The following KANSL1 variants were observed in gnomAD, a reference collection of about 807,000 sequenced individuals.
KANSL1 encodes the protein MLL1/MLL complex subunit KANSL1.
In KANSL1, 22 loss-of-function variants were observed where a neutral mutation model predicts 103.6. The observed-to-expected ratio is 0.21, with a 90% CI of 0.15 to 0.30. The LOEUF (loss-of-function observed/expected upper bound fraction) is 0.30, where lower values mean the gene tolerates loss of function less well. Among genes scored for constraint, KANSL1 ranks in the 10% least tolerant of loss-of-function variants. The pLI is 1.00. For missense variants in KANSL1, 1,337 were observed against 1,399.8 expected (o/e 0.96, Z 0.72); for synonymous variants, 600 against 527.6 (o/e 1.14, Z -1.88).
intron 6 of KANSL1, among the ~76,000 whole-genome samples, chr17:46,051,855 G>A (rs1422049402): frequency 6.6e-6 from 1 of 152,152 alleles, no homozygotes; most frequent in African/African-American, 2.4e-5. Flanking sequence ...GAACAATGTG[G>A]TCTTTATCAA....
intron 2 of KANSL1, among the ~76,000 whole-genome samples, chr17:46,125,162 T>TAC (rs546901363): frequency 2.0e-5 from 3 of 150,654 alleles, no homozygotes; most frequent in Non-Finnish European, 3.0e-5. Flanking sequence ...CAGCAGCCAC[T>TAC]ACCCTGGCTA....
intron 2 of KANSL1, among the ~76,000 whole-genome samples, chr17:46,106,653 A>G (rs2042581108): frequency 6.6e-6 from 1 of 152,210 alleles, no homozygotes; most frequent in African/African-American, 2.4e-5. Flanking sequence ...TCGGTCTCCC[A>G]AAGTGCTGGG....
At chr17:46,190,341 G>A (rs1384032712) in intron 1 of KANSL1, among the ~76,000 whole-genome samples, 1 of 152,230 alleles carries the variant, frequency 6.6e-6, no homozygotes, top group Non-Finnish European at 1.5e-5. Context: ...TGCTCTGCAG[G>A]TTTAACCAGA....
At chr17:46,058,536 G>C (rs2078010951) in intron 6 of KANSL1, among the ~76,000 whole-genome samples, 1 of 152,186 alleles carries the variant, frequency 6.6e-6, no homozygotes, top group African/African-American at 2.4e-5. Context: ...ATAAAACATT[G>C]TTAGATATGC....
At chr17:46,178,299 T>G (rs1567773067) in intron 1 of KANSL1, among the ~76,000 whole-genome samples, 1 of 152,168 alleles carries the variant, frequency 6.6e-6, no homozygotes, top group East Asian at 1.9e-4. Flanking sequence ...ATCTGATAAA[T>G]CATCTTTCTC....
At chr17:46,084,303 A>G (rs1462119783) in intron 3 of KANSL1, among the ~76,000 whole-genome samples, 1 of 151,912 alleles carries the variant, frequency 6.6e-6, no homozygotes, top group Non-Finnish European at 1.5e-5. Flanking sequence ...AATCGCTTGA[A>G]CTCAGGAGGC....
intron 2 of KANSL1, among the ~76,000 whole-genome samples, chr17:46,098,187 C>A (rs1464861614): frequency 6.7e-6 from 1 of 150,090 alleles, no homozygotes; most frequent in Non-Finnish European, 1.5e-5. Context: ...CACAAAGAGA[C>A]AAAACTAGTT....
rs542373662 is a variant in KANSL1 at position 46,110,342 on chromosome 17, C to T, written c.1290-15641G>A. Among the ~76,000 whole-genome samples the T allele has an allele frequency of 3.3e-5, 5 of 152,278 alleles. No homozygotes were observed. The East Asian group carries it at 7.7e-4, about 23-fold the overall frequency. On this transcript the variant is annotated intron_variant, in intron 2 of 14. Transcript: ENST00000432791. Reference sequence around the variant, plus strand: ...GGAATCACAAATGAAGTGCTTACTCCATGCAAAACACTGGTCTGGCACATT... The same window carrying T: ...GGAATCACAAATGAAGTGCTTACTCTATGCAAAACACTGGTCTGGCACATT...
intron 6 of KANSL1, among the ~76,000 whole-genome samples, chr17:46,060,410 A>T (rs1348195671): frequency 6.6e-6 from 1 of 152,180 alleles, no homozygotes; most frequent in Non-Finnish European, 1.5e-5. Flanking sequence ...ATTTTATCTC[A>T]GTCTTTCAAA....
rs540586469 is a variant in KANSL1 at position 46,034,353 on chromosome 17, G to A, written c.2542-68C>T. On this transcript the variant is annotated intron_variant, in intron 10 of 14. Coordinates refer to ENST00000432791, the MANE Select transcript of KANSL1 (RefSeq NM_015443.4). ...CAGACATCAAATCATTCATCTAAGA[G>A]TTAAAGCAGGATCACCAATAACCAA... 2.6e-6 allele frequency: 4 copies of A among 1,561,842 alleles called. No homozygotes were observed. The South Asian group carries it at 4.5e-5, about 18-fold the overall frequency.
At chr17:46,161,299 G>T (rs2045728810) in intron 2 of KANSL1, among the ~76,000 whole-genome samples, 1 of 151,672 alleles carries the variant, frequency 6.6e-6, no homozygotes, top group East Asian at 1.9e-4. Context: ...AGCCGGGTGT[G>T]GTGGCAGACG....
intron 2 of KANSL1, chr17:46,153,041 A>C (rs1346607492): frequency 6.6e-6 from 1 of 152,260 alleles, no homozygotes; most frequent in Admixed American, 6.5e-5. Flanking sequence ...TATTTTTTAA[A>C]ATCTAAAGGG....
At chr17:46,167,700 A>G (rs747345514) in intron 2 of KANSL1, among the ~76,000 whole-genome samples, 2 of 152,272 alleles carry the variant, frequency 1.3e-5, no homozygotes. Context: ...AACTCTCTCT[A>G]AAGTCTCATT....
At chr17:46,080,726 GTCTTC>G (rs974831433) in intron 4 of KANSL1, among the ~76,000 whole-genome samples, 15 of 111,084 alleles carry the variant, frequency 1.4e-4, no homozygotes, top group Non-Finnish European at 2.0e-4. Flanking sequence ...CCCAACCCCT[GTCTTC>G]TCTTAATACT....
At chr17:46,040,060 A>ATGC in intron 7 of KANSL1, 176 bp from the exon 8 acceptor site, 1 of 523,150 alleles carries the variant, frequency 1.9e-6, no homozygotes, top group Middle Eastern at 4.4e-4. Context: ...TTCTATTTGC[A>ATGC]AGCAGGTCAC....
chr17:46,208,470 A>C (rs995223595), intron 1 of KANSL1, among the ~76,000 whole-genome samples: 12 of 152,152 alleles, frequency 7.9e-5, no homozygotes, highest in Non-Finnish European at 1.5e-4. Context: ...AAAAATAGCC[A>C]GGTGTGGCAG....
intron 6 of KANSL1, among the ~76,000 whole-genome samples, chr17:46,055,737 CAT>C (rs1420958816): frequency 1.3e-5 from 2 of 152,052 alleles, no homozygotes; most frequent in African/African-American, 2.4e-5. Flanking sequence ...TGGCCTATTA[CAT>C]GTTTTATAGT....
chr17:46,187,993 TG>T (rs1273824641), intron 1 of KANSL1, among the ~76,000 whole-genome samples: 1 of 152,262 alleles, frequency 6.6e-6, no homozygotes, highest in Non-Finnish European at 1.5e-5. Context: ...CAGCTCTTTT[TG>T]GAGTCCAAGT....
chr17:46,136,997 A>T (rs2044178541), intron 2 of KANSL1, among the ~76,000 whole-genome samples: 1 of 152,264 alleles, frequency 6.6e-6, no homozygotes, highest in Non-Finnish European at 1.5e-5. Context: ...TTATTTCCAG[A>T]TTAAAACACT....
Sources: allele counts gnomAD v4.1 joint callset (sites outside exome capture counted in the v4.1 genomes callset), GRCh38; gene constraint gnomAD v4.1.1; transcripts MANE v1.5; gene names NCBI Gene and HGNC (gene_info 2026-07-23, HGNC 2026-07-21).